Variants in PPFIA3 observed in about 807,000 individuals in gnomAD.
PPFIA3 encodes the protein liprin-alpha-3.
In PPFIA3, 26 loss-of-function variants were observed where a neutral mutation model predicts 145.8. That is an observed-to-expected ratio of 0.18 (90% CI 0.13 to 0.25). PPFIA3 has a LOEUF of 0.25. Among genes scored for constraint, PPFIA3 ranks in the 10% least tolerant of loss-of-function variants. The pLI is 1.00. For synonymous variants in PPFIA3, 645 were observed against 661.4 expected (o/e 0.98, Z 0.38); for missense variants, 1,008 against 1,587.8 (o/e 0.63, Z 6.21).
At position 49,134,915 on chromosome 19, in the gene PPFIA3, G is replaced by T. The variant is rs1191950767; in HGVS notation, c.1520G>T (p.Arg507Met). Reference protein sequence around the residue: ...LRGRPPSSYSRSLPGSALELR... With the variant: ...LRGRPPSSYSMSLPGSALELR... ...GGGAGGCCACCATCCTCCTACTCCA[G>T]GTGACAGCAGCCCTTCTGCCCTGCC... The change falls in exon 13 of 30, where the codon AGG becomes ATG. Residue 507 changes from arginine to methionine, a missense_variant and splice_region_variant. By Grantham distance (91) the Arg-to-Met change is moderately conservative (BLOSUM62 -1). Around this residue, in one of 11 missense-constraint regions of PPFIA3, gnomAD observed 121 missense variants for 138.2 expected, o/e 0.88. Transcript: ENST00000334186. 6.4e-7 allele frequency: 1 copy of T among 1,560,312 alleles called. No homozygotes were observed. The highest frequency in any genetic ancestry group is 8.7e-7 in the Non-Finnish European group (1 of 1,151,400).
Position 49,132,870 on chromosome 19 carries a change from A to T in PPFIA3, c.880-131A>T, listed in dbSNP as rs2041091673. ...GGACTTAAGATGGGCTAGTCCTGGG[A>T]GCTCTTAGCGGGTGTGACACCACCA... On this transcript the variant is annotated intron_variant, in intron 7 of 29. Coordinates refer to ENST00000334186, the MANE Select transcript of PPFIA3 (RefSeq NM_003660.4). The T allele has an allele frequency of 2.6e-6, 3 of 1,173,796 alleles. No individual in the cohort carries two copies. In the Admixed American group the frequency reaches 7.3e-5, roughly 28 times the overall value. 72.7% of individuals were successfully genotyped at this position (1,173,796 alleles called of 1,614,324 possible).
chr19:49,150,296 C>A lies in PPFIA3; in HGVS notation c.*74C>A. The stretch of plus-strand genomic sequence containing the variant: ...TGGGCTGTTCCCTCTCCTGCCCGGA[C>A]TGTGGCCTCGCCGGGGAGAGCGGGC... On this transcript the variant is annotated 3_prime_UTR_variant, in exon 30 of 30. Coordinates refer to ENST00000334186, the MANE Select transcript of PPFIA3 (RefSeq NM_003660.4). 1.3e-6 allele frequency: 1 copy of A among 792,018 alleles called. No individual in the cohort carries two copies. The highest frequency in any genetic ancestry group is 2.0e-6 in the Non-Finnish European group (1 of 512,508). 49.1% of individuals were successfully genotyped at this position (792,018 alleles called of 1,614,324 possible). A position where few individuals can be genotyped will look rare whatever the true frequency, so the allele number is the denominator to read the frequency against.
intron 1 of PPFIA3, among the ~76,000 whole-genome samples, chr19:49,119,984 C>T (rs1481615028): frequency 2.6e-5 from 4 of 151,970 alleles, no homozygotes; most frequent in Non-Finnish European, 5.9e-5. Context: ...GGCCCCGGGA[C>T]CCCTCCTAGA....
intron 21 of PPFIA3, 27 bp from the exon 22 acceptor site, chr19:49,145,916 C>A (rs943050585): frequency 4.5e-5 from 72 of 1,608,306 alleles, no homozygotes; most frequent in Non-Finnish European, 6.0e-5. Flanking sequence ...CCTCTCCCAC[C>A]ATCCATTAAC....
In PPFIA3 at chr19:49,137,628, C is replaced by CAAAAAAAAAAAAAAA. The variant is rs3032695; in HGVS notation, c.1854-561_1854-547dup. On this transcript the variant is annotated intron_variant, in intron 15 of 29. Transcript: ENST00000334186. ...TGGGCTACAGAGCGAGACTCCGTGT[C>CAAAAAAAAAAAAAAA]AAAAAAAAAAAAAAAAAAAAAAAAA... 2.1e-3 allele frequency among the ~76,000 whole-genome samples: 92 copies of CAAAAAAAAAAAAAAA among 43,786 alleles called. 11 individuals are homozygous for CAAAAAAAAAAAAAAA. Among genetic ancestry groups the CAAAAAAAAAAAAAAA allele is most frequent in the Non-Finnish European group, 2.7e-3 (66 of 24,152 alleles). 28.7% of individuals were successfully genotyped at this position (43,786 alleles called of 152,430 possible). A position where few individuals can be genotyped will look rare whatever the true frequency, so the allele number is the denominator to read the frequency against.
intron 20 of PPFIA3, 101 bp downstream of exon 20, chr19:49,142,216 C>T: frequency 8.6e-7 from 1 of 1,162,016 alleles, no homozygotes; most frequent in Non-Finnish European, 1.2e-6. Flanking sequence ...TGCTTCTAGC[C>T]CAGAGGTGGG....
At position 49,133,505 on chromosome 19, in the gene PPFIA3, G is replaced by T; in HGVS notation, c.1161+134G>T. 8.5e-7 allele frequency: 1 copy of T among 1,183,074 alleles called. No individual in the cohort carries two copies. Among genetic ancestry groups the T allele is most frequent in the Non-Finnish European group, 1.2e-6 (1 of 867,934 alleles). The allele number at this position is 1,183,074 out of a possible 1,614,324, so 73.3% of individuals were successfully genotyped here. On this transcript the variant is annotated intron_variant, in intron 9 of 29. Coordinates refer to ENST00000334186, the MANE Select transcript of PPFIA3 (RefSeq NM_003660.4). This position sits in a 1 kb window ranked among gnomAD's most constrained non-coding sequence, Gnocchi z 7.2. ...GGGGAAAGGGTGGGGCCTAGGGGCT[G>T]GGAAAGGGACAGGACTTGGAATGGG...
intron 19 of PPFIA3, among the ~76,000 whole-genome samples, chr19:49,141,747 TTTTC>T (rs1419199530): frequency 5.9e-5 from 9 of 152,036 alleles, no homozygotes; most frequent in Non-Finnish European, 8.8e-5. Flanking sequence ...AGTTTTTATT[TTTTC>T]TTTCTTTTTT....
At chr19:49,140,412 G>A (rs1269866690) in intron 18 of PPFIA3, among the ~76,000 whole-genome samples, 3 of 148,314 alleles carry the variant, frequency 2.0e-5, no homozygotes, top group Non-Finnish European at 3.0e-5. Flanking sequence ...CAGTGGCAAC[G>A]ATCTTGGCTC....
At chr19:49,148,013 GT>G (rs2041300317) in intron 23 of PPFIA3, 69 bp from the exon 24 acceptor site, 8 of 1,486,778 alleles carry the variant, frequency 5.4e-6, no homozygotes, top group Non-Finnish European at 7.3e-6. Flanking sequence ...AGGTTGGACT[GT>G]ACCCCTCTCA....
At chr19:49,142,238 G>A (rs1041934957) in intron 20 of PPFIA3, 123 bp downstream of exon 20, 4 of 902,548 alleles carry the variant, frequency 4.4e-6, no homozygotes, top group Non-Finnish European at 6.7e-6. Context: ...GTGGCCATGG[G>A]CCTGGCAGGT....
intron 7 of PPFIA3, among the ~76,000 whole-genome samples, chr19:49,131,903 G>T (rs183151640): frequency 6.6e-6 from 1 of 151,906 alleles, no homozygotes; most frequent in Admixed American, 6.5e-5. Flanking sequence ...CCAGCTACTC[G>T]GGAGGCTGAG....
rs185560607 is a variant in PPFIA3, at chr19:49,141,548, A to G, written c.2462+35A>G. 2.7e-3 allele frequency: 4,078 copies of G among 1,527,694 alleles called. 125 individuals carry two copies. In the Admixed American group the frequency reaches 0.064, roughly 24 times the overall value. The allele number at this position is 1,527,694 out of a possible 1,614,324, so 94.6% of individuals were successfully genotyped here. A position where few individuals can be genotyped will look rare whatever the true frequency, so the allele number is the denominator to read the frequency against. On this transcript the variant is annotated intron_variant, in intron 19 of 29. Transcript: ENST00000334186. ...TGTGAGTGTGAGCGTGTGTGTGTGTATGTGAATGTGAGAGTGTGTGAGGGT... is the reference window on the plus strand; with the variant it reads ...TGTGAGTGTGAGCGTGTGTGTGTGTGTGTGAATGTGAGAGTGTGTGAGGGT...
intron 13 of PPFIA3, among the ~76,000 whole-genome samples, chr19:49,135,202 C>T (rs998496146): frequency 2.0e-5 from 3 of 151,818 alleles, no homozygotes; most frequent in Admixed American, 6.6e-5. Flanking sequence ...CCACCACAGC[C>T]GGCTAATTTT....
Position 49,150,234 on chromosome 19 carries a change from A to G in PPFIA3, c.*14-2A>G. On this transcript the variant is annotated splice_acceptor_variant, in intron 29 of 29. Transcript: ENST00000334186. LOFTEE classifies it low-confidence loss of function (3UTR_SPLICE). ...CTCCACGCGCTGCCCGGCGTCATGC[A>G]GGTGACCTCACTCGGACGGAAGAAT... 8.1e-7 allele frequency: 1 copy of G among 1,235,100 alleles called. No homozygotes were observed. Among genetic ancestry groups the G allele is most frequent in the Non-Finnish European group, 1.1e-6 (1 of 878,778 alleles). 76.5% of individuals were successfully genotyped at this position (1,235,100 alleles called of 1,614,324 possible).
chr19:49,131,935 G>A (rs1321519163), intron 7 of PPFIA3, among the ~76,000 whole-genome samples: 15 of 151,302 alleles, frequency 9.9e-5, no homozygotes, highest in African/African-American at 9.7e-5. Context: ...GCGTGAACCC[G>A]GGAGGCAGAG....
chr19:49,146,305 G>C, intron 23 of PPFIA3, 113 bp downstream of exon 23: 1 of 1,342,056 alleles, frequency 7.5e-7, no homozygotes, highest in Non-Finnish European at 1.0e-6. Context: ...CATCCCCATG[G>C]GGGGGCGCTG....
Position 49,128,312 on chromosome 19 carries a change from AG to A in PPFIA3, c.241-53del. On this transcript the variant is annotated intron_variant, in intron 2 of 29. Transcript: ENST00000334186. This position sits in a 1 kb window ranked among gnomAD's most constrained non-coding sequence, Gnocchi z 4.1. The stretch of plus-strand genomic sequence containing the variant: ...TCAAACTTCCAGTCCCAGTGAATGA[AG>A]GAGACAGGGAAAGGATTGAGCCGAA... 6.3e-7 allele frequency: 1 copy of A among 1,581,666 alleles called. No homozygotes were observed. The highest frequency in any genetic ancestry group is 1.1e-5 in the South Asian group (1 of 90,472).
intron 23 of PPFIA3, among the ~76,000 whole-genome samples, chr19:49,147,711 A>AG (rs56323421): frequency 2.0e-4 from 25 of 127,868 alleles, no homozygotes; most frequent in African/African-American, 3.8e-4. Context: ...AGAGAGAGAG[A>AG]AAGAGAGAAA....
Sources: gnomAD v4.1 joint callset for allele counts (sites outside exome capture counted in the v4.1 genomes callset) on GRCh38, gnomAD v4.1.1 for gene constraint, gnomAD v4.1.1 regional missense constraint, Gnocchi (gnomAD v3.1) non-coding constraint, MANE v1.5 for transcripts, NCBI Gene and HGNC (gene_info 2026-07-23, HGNC 2026-07-21) for gene names.